The following NCALD variants were observed in gnomAD, a reference collection of about 807,000 sequenced individuals.
NCALD encodes the protein neurocalcin-delta.
Under a neutral mutation model 18.6 loss-of-function variants are expected in NCALD, and 10 were observed. That is an observed-to-expected ratio of 0.54 (90% CI 0.33 to 0.91). The LOEUF is 0.91. NCALD is among the 40% of genes least tolerant of loss of function. NCALD has a pLI of 0.03. For synonymous variants in NCALD, 88 were observed against 87.4 expected, an observed-to-expected ratio of 1.01 and a Z score of -0.04; for missense variants, 184 against 247.6, an observed-to-expected ratio of 0.74 and a Z score of 1.72.
chr8:101,860,262 T>C (rs1305793677), intron 4 of NCALD, among the ~76,000 whole-genome samples: 2 of 152,168 alleles, frequency 1.3e-5, no homozygotes, highest in Non-Finnish European at 2.9e-5. Context: ...GGTTAGGTTC[T>C]ATAAAAACAA....
chr8:101,893,281 A>T (rs2131523907), intron 3 of NCALD, among the ~76,000 whole-genome samples: 1 of 151,496 alleles, frequency 6.6e-6, no homozygotes, highest in Admixed American at 6.6e-5. Flanking sequence ...TAAGTGAAGG[A>T]GAAATAAAAT....
chr8:102,089,726 T>C (rs942193025), intron 1 of NCALD, among the ~76,000 whole-genome samples: 1 of 152,044 alleles, frequency 6.6e-6, no homozygotes, highest in Non-Finnish European at 1.5e-5. Flanking sequence ...AACTAAAGGA[T>C]TAAAGGGTTG....
intron 1 of NCALD, among the ~76,000 whole-genome samples, chr8:101,777,894 A>G (rs1294817258): frequency 2.0e-5 from 3 of 152,182 alleles, no homozygotes; most frequent in Non-Finnish European, 4.4e-5. Flanking sequence ...GCCAACAAAA[A>G]CCACAATGTA....
intron 1 of NCALD, among the ~76,000 whole-genome samples, chr8:102,091,521 C>T (rs1473815986): frequency 1.3e-5 from 2 of 152,196 alleles, no homozygotes; most frequent in Non-Finnish European, 2.9e-5. Flanking sequence ...ACATTGTAAT[C>T]ATCTAGCAAC....
chr8:101,826,108 C>T (rs893107085), intron 4 of NCALD, among the ~76,000 whole-genome samples: 2 of 152,080 alleles, frequency 1.3e-5, no homozygotes, highest in African/African-American at 4.8e-5. Context: ...CACAGTGATA[C>T]AATATTGCCA....
At position 101,689,440 on chromosome 8, in the gene NCALD, G is replaced by A; in HGVS notation, c.485-34C>T. The A allele has an allele frequency of 6.5e-7, 1 of 1,529,404 alleles. No homozygotes were observed. Among genetic ancestry groups the A allele is most frequent in the Non-Finnish European group, 8.9e-7 (1 of 1,120,570 alleles). The allele number at this position is 1,529,404 out of a possible 1,614,324, so 94.7% of individuals were successfully genotyped here. On this transcript the variant is annotated intron_variant, in intron 3 of 3. Coordinates refer to ENST00000220931, the MANE Select transcript of NCALD (RefSeq NM_032041.3). The surrounding 1 kb of genome is among the most constrained non-coding windows in gnomAD (Gnocchi z 4.4). ...CAAGAGGACAGGTGAGTGGTGGCTG[G>A]TGGCAGCTGCATGAGCTTACACCCT...
At chr8:101,727,456 C>T (rs536100360) in intron 1 of NCALD, among the ~76,000 whole-genome samples, 1 of 152,102 alleles carries the variant, frequency 6.6e-6, no homozygotes, top group African/African-American at 2.4e-5. Flanking sequence ...AATGAGTAAC[C>T]TTTTATAAAA....
intron 2 of NCALD, among the ~76,000 whole-genome samples, chr8:101,988,680 C>T (rs1390167558): frequency 3.9e-5 from 6 of 152,114 alleles, no homozygotes; most frequent in Non-Finnish European, 8.8e-5. Context: ...TGGTCTTCCC[C>T]TATCCTTGTC....
chr8:101,800,092 C>A (rs560589095), intron 4 of NCALD, among the ~76,000 whole-genome samples: 134 of 152,150 alleles, frequency 8.8e-4, no homozygotes, highest in Non-Finnish European at 1.4e-3. Context: ...CCAAATTTCT[C>A]AAGAGTCATT....
At chr8:101,780,298 C>T (rs550829756) in intron 1 of NCALD, among the ~76,000 whole-genome samples, 6 of 152,224 alleles carry the variant, frequency 3.9e-5, no homozygotes, top group Admixed American at 6.5e-5. Flanking sequence ...CATGCTTCAG[C>T]CTACCATCTC....
At chr8:101,838,427 G>A (rs916481337) in intron 4 of NCALD, among the ~76,000 whole-genome samples, 2 of 152,086 alleles carry the variant, frequency 1.3e-5, no homozygotes, top group Non-Finnish European at 1.5e-5. Context: ...TCACCATGTT[G>A]GCCAGGATGG....
At chr8:101,784,519 T>TA (rs1173355853) in intron 1 of NCALD, among the ~76,000 whole-genome samples, 1 of 152,118 alleles carries the variant, frequency 6.6e-6, no homozygotes, top group Admixed American at 6.6e-5. Context: ...GAACATATGG[T>TA]AATGCAGTGG....
chr8:102,042,492 G>A (rs1297195283), intron 1 of NCALD, among the ~76,000 whole-genome samples: 1 of 151,940 alleles, frequency 6.6e-6, no homozygotes, highest in Admixed American at 6.5e-5. Context: ...TCTGACATGA[G>A]CTCAAGGAGA....
Position 101,848,885 on chromosome 8 carries a change from ATTC to A in NCALD, c.-20+38253_-20+38255del, listed in dbSNP as rs1814979876. Among the ~76,000 whole-genome samples, 36 of 152,174 alleles carry A rather than the reference ATTC, an allele frequency of 2.4e-4. 2 individuals are homozygous for A. The highest frequency in any genetic ancestry group is 2.4e-3 in the Admixed American group (36 of 15,274). On this transcript the variant is annotated intron_variant, in intron 4 of 6. Coordinates refer to the NCALD transcript ENST00000311028. The stretch of plus-strand genomic sequence containing the variant: ...GTATATACCCAAAGGAATATAAATA[ATTC>A]TGTTATAAAGATACATGCACACGTA...
rs1226770900 is a variant in NCALD at position 101,980,832 on chromosome 8, T to A, written c.-157+39405A>T. ...CATCCAGATTGCATAGCCATGAAGATCCCAGGCCATTTTAAGCCCTATTAT... is the reference window on the plus strand; with the variant it reads ...CATCCAGATTGCATAGCCATGAAGAACCCAGGCCATTTTAAGCCCTATTAT... On this transcript the variant is annotated intron_variant, in intron 2 of 6. Coordinates refer to the NCALD transcript ENST00000311028. 3.3e-5 allele frequency among the ~76,000 whole-genome samples: 5 copies of A among 152,180 alleles called. 1 individual carries two copies. The South Asian group carries it at 1.0e-3, about 31-fold the overall frequency.
At chr8:101,712,628 C>G (rs181306423) in intron 2 of NCALD, among the ~76,000 whole-genome samples, 44 of 144,302 alleles carry the variant, frequency 3.0e-4, no homozygotes, top group African/African-American at 1.1e-3. Context: ...AGGTTGCAAT[C>G]CTAATCTCTG....
intron 3 of NCALD, among the ~76,000 whole-genome samples, chr8:101,891,735 T>C (rs1391800714): frequency 1.3e-5 from 2 of 152,082 alleles, no homozygotes; most frequent in Non-Finnish European, 2.9e-5. Context: ...CCTTTCCAAG[T>C]CAAAGAAAGG....
chr8:101,941,802 A>G (rs1462481517), intron 2 of NCALD, among the ~76,000 whole-genome samples: 1 of 152,248 alleles, frequency 6.6e-6, no homozygotes, highest in Non-Finnish European at 1.5e-5. Flanking sequence ...GTTTGATATC[A>G]GCTATTTTAC....
At chr8:101,776,801 T>A (rs1811810662) in intron 1 of NCALD, among the ~76,000 whole-genome samples, 1 of 152,156 alleles carries the variant, frequency 6.6e-6, no homozygotes, top group African/African-American at 2.4e-5. Context: ...TAAATCATGA[T>A]TATATAGAAC....
Sources: gnomAD v4.1 joint callset for allele counts (sites outside exome capture counted in the v4.1 genomes callset) on GRCh38, gnomAD v4.1.1 for gene constraint, Gnocchi (gnomAD v3.1) non-coding constraint, MANE v1.5 for transcripts, NCBI Gene and HGNC (gene_info 2026-07-23, HGNC 2026-07-21) for gene names.